CHSY3: variants seen among roughly 807,000 people sequenced by gnomAD.
The protein encoded by CHSY3 is N-acetylgalactosaminyl-proteoglycan 3-beta-glucuronosyltransferase 3.
CHSY3 carries 35 observed loss-of-function variants against 67.2 expected under a neutral mutation model. The ratio of observed to expected loss-of-function variants is 0.52; its 90% confidence interval spans 0.40 to 0.69. CHSY3 has a LOEUF of 0.69. Among genes scored for constraint, CHSY3 ranks in the 30% least tolerant of loss-of-function variants. The pLI is 0.00. For synonymous variants in CHSY3, 474 were observed against 434.7 expected (o/e 1.09, Z -1.12); for missense variants, 1,069 against 1,138.5 (o/e 0.94, Z 0.88).
At chr5:130,020,545 A>G (rs915487295) in intron 2 of CHSY3, among the ~76,000 whole-genome samples, 6 of 142,454 alleles carry the variant, frequency 4.2e-5, no homozygotes, top group Non-Finnish European at 9.0e-5. Flanking sequence ...AAAGCTTTCT[A>G]TACCTCTCCT....
At chr5:129,969,524 A>G (rs1200965707) in intron 2 of CHSY3, among the ~76,000 whole-genome samples, 2 of 151,902 alleles carry the variant, frequency 1.3e-5, no homozygotes, top group South Asian at 2.1e-4. Context: ...GAAATACTGC[A>G]TGAATATCAG....
intron 2 of CHSY3, chr5:130,141,955 G>T (rs959256104): frequency 9.2e-6 from 2 of 216,332 alleles, no homozygotes; most frequent in African/African-American, 4.7e-5. Context: ...GACTAAGTCA[G>T]CTCAAGTATA....
rs145852587 is a variant in CHSY3, at chr5:129,938,841, C to G, written c.1086+30481C>G. Among the ~76,000 whole-genome samples, 649 of 152,278 alleles carry G rather than the reference C, an allele frequency of 4.3e-3. 5 individuals carry two copies. Among genetic ancestry groups the G allele is most frequent in the African/African-American group, 0.015 (624 of 41,558 alleles). On this transcript the variant is annotated intron_variant, in intron 2 of 2. Coordinates refer to ENST00000305031, the MANE Select transcript of CHSY3 (RefSeq NM_175856.5). ...AGTTCCAAACTTTCTCTCATTTTCT[C>G]ATCTTCTTCTGAGCCCTGCAGCCTG...
intron 2 of CHSY3, among the ~76,000 whole-genome samples, chr5:129,947,669 G>T (rs1761900666): frequency 6.6e-6 from 1 of 151,754 alleles, no homozygotes; most frequent in Non-Finnish European, 1.5e-5. Flanking sequence ...TTGGGTGGGG[G>T]CACAGCCAAA....
Position 129,908,352 on chromosome 5 carries a change from T to G in CHSY3, c.1078T>G (p.Ser360Ala), listed in dbSNP as rs1298296564. ...RRFGGTQCVW[S>A]YEMQQLFHEN... The stretch of plus-strand genomic sequence containing the variant: ...TTTTGGTGGGACTCAGTGTGTCTGG[T>G]CTTACGAGGTAAGCATGGAGCTGTG... Residue 360 changes from serine (S) to alanine (A), a missense_variant, in exon 2 of 3, where the codon TCT becomes GCT. Physicochemically the swap from Ser to Ala is moderately conservative, Grantham distance 99 (BLOSUM62 1). Around this residue, in one of 5 missense-constraint regions of CHSY3, gnomAD observed 216 missense variants for 311.5 expected, o/e 0.69. Coordinates refer to ENST00000305031, the MANE Select transcript of CHSY3 (RefSeq NM_175856.5). The G allele has an allele frequency of 6.2e-7, 1 of 1,613,900 alleles. No homozygotes were observed.
At chr5:130,125,013 G>A (rs1768217681) in intron 2 of CHSY3, among the ~76,000 whole-genome samples, 2 of 152,156 alleles carry the variant, frequency 1.3e-5, no homozygotes, top group Admixed American at 6.5e-5. Context: ...GGGTATGATG[G>A]CTCATGCCTG....
At chr5:129,921,576 G>A (rs1447259054) in intron 2 of CHSY3, among the ~76,000 whole-genome samples, 1 of 152,214 alleles carries the variant, frequency 6.6e-6, no homozygotes, top group African/African-American at 2.4e-5. Flanking sequence ...AAGTGAAATG[G>A]TGGATTAGGG....
intron 2 of CHSY3, among the ~76,000 whole-genome samples, chr5:129,964,838 C>T (rs1762427480): frequency 6.6e-6 from 1 of 151,806 alleles, no homozygotes; most frequent in Non-Finnish European, 1.5e-5. Flanking sequence ...CAGTGTAAAT[C>T]TTCTCTTTTC....
intron 2 of CHSY3, among the ~76,000 whole-genome samples, chr5:130,087,203 T>G (rs1291982981): frequency 1.3e-5 from 2 of 151,814 alleles, no homozygotes; most frequent in Admixed American, 6.6e-5. Flanking sequence ...AATTAGGTAT[T>G]GATGGGATGT....
chr5:130,006,102 G>A (rs1341928908), intron 2 of CHSY3, among the ~76,000 whole-genome samples: 2 of 152,078 alleles, frequency 1.3e-5, no homozygotes, highest in Admixed American at 6.5e-5. Flanking sequence ...AAAATAGAAG[G>A]GTATTTGGGT....
intron 2 of CHSY3, among the ~76,000 whole-genome samples, chr5:130,157,786 C>T (rs538806382): frequency 3.1e-5 from 3 of 95,582 alleles, no homozygotes; most frequent in South Asian, 3.6e-4. Context: ...CCACTGGTTG[C>T]CCATTTTTAT....
At chr5:130,082,521 A>G (rs945237369) in intron 2 of CHSY3, among the ~76,000 whole-genome samples, 1 of 152,050 alleles carries the variant, frequency 6.6e-6, no homozygotes, top group Non-Finnish European at 1.5e-5. Flanking sequence ...GCACGGAATT[A>G]ATTTTCCTCT....
chr5:130,107,442 A>AGTGT (rs61527103), intron 2 of CHSY3, among the ~76,000 whole-genome samples: 14 of 149,284 alleles, frequency 9.4e-5, no homozygotes, highest in East Asian at 3.9e-4. Flanking sequence ...TTACGGGGCT[A>AGTGT]GTGTGTGTGT....
rs1768863315 is a variant in CHSY3 at position 130,141,451 on chromosome 5, T to G, written c.1087-42778T>G. 8.4e-6 allele frequency: 3 copies of G among 358,628 alleles called. No individual in the cohort carries two copies. The Admixed American group carries it at 1.1e-4, about 13-fold the overall frequency. 22.2% of individuals were successfully genotyped at this position (358,628 alleles called of 1,614,324 possible). A position where few individuals can be genotyped will look rare whatever the true frequency, so the allele number is the denominator to read the frequency against. ...ATGGTGTTCCTTTGATTTAAGTCAC[T>G]TTTGATATTGATGATAATGGCATCC... On this transcript the variant is annotated intron_variant, in intron 2 of 2. Transcript: ENST00000305031.
intron 2 of CHSY3, among the ~76,000 whole-genome samples, chr5:130,179,389 A>G (rs769907883): frequency 9.2e-5 from 14 of 151,910 alleles, no homozygotes; most frequent in Non-Finnish European, 1.5e-4. Flanking sequence ...TCCTATCAAT[A>G]TGATTTCTCT....
chr5:130,155,151 A>AT (rs549312699), intron 2 of CHSY3, among the ~76,000 whole-genome samples: 4 of 152,236 alleles, frequency 2.6e-5, no homozygotes, highest in Non-Finnish European at 5.9e-5. Context: ...CTTGGTTTTA[A>AT]TTCTTCAGTA....
intron 2 of CHSY3, among the ~76,000 whole-genome samples, chr5:130,166,350 C>T (rs1769746511): frequency 6.6e-6 from 1 of 152,106 alleles, no homozygotes. Context: ...CACTAGGACA[C>T]TTACTGGGTC....
At chr5:130,170,909 G>A (rs1231180817) in intron 2 of CHSY3, among the ~76,000 whole-genome samples, 1 of 151,454 alleles carries the variant, frequency 6.6e-6, no homozygotes, top group African/African-American at 2.4e-5. Flanking sequence ...AGCCTAGTTT[G>A]GAAATGATAA....
chr5:129,964,382 G>C (rs1033486293), intron 2 of CHSY3, among the ~76,000 whole-genome samples: 3 of 151,844 alleles, frequency 2.0e-5, no homozygotes, highest in African/African-American at 7.2e-5. Flanking sequence ...GCTTGGGAGG[G>C]AGAGGATAGG....
Sources: gnomAD v4.1 joint callset for allele counts (sites outside exome capture counted in the v4.1 genomes callset) on GRCh38, gnomAD v4.1.1 for gene constraint, gnomAD v4.1.1 regional missense constraint, MANE v1.5 for transcripts, NCBI Gene and HGNC (gene_info 2026-07-23, HGNC 2026-07-21) for gene names.